ABCC8: variants seen among roughly 807,000 people sequenced by gnomAD.
ABCC8 encodes ATP binding cassette subfamily C member 8.
A neutral mutation model predicts 188.0 loss-of-function variants in ABCC8; 137 were observed. The observed-to-expected ratio is 0.73, with a 90% CI of 0.63 to 0.84. ABCC8 has a LOEUF of 0.84. ABCC8 is among the 40% of genes least tolerant of loss of function. The pLI, the probability that ABCC8 is intolerant of heterozygous loss-of-function variation, is 0.00. For synonymous variants in ABCC8, 797 were observed against 846.5 expected (o/e 0.94, Z 1.01); for missense variants, 1,750 against 2,072.7 (o/e 0.84, Z 3.02).
Position 17,446,224 on chromosome 11 carries a change from C to T in ABCC8, c.1332+2292G>A, listed in dbSNP as rs138102722. On this transcript the variant is annotated intron_variant, in intron 8 of 38. Coordinates refer to ENST00000389817, the MANE Select transcript of ABCC8 (RefSeq NM_000352.6). ...CAGGTGAACCATCAGCCTCAGCCTC[C>T]CAAAGTGCTGGGATTACAGGAGCGA... Among the ~76,000 whole-genome samples, 114 of 152,182 alleles carry T rather than the reference C, an allele frequency of 7.5e-4. 1 individual carries two copies. The East Asian group carries it at 0.019, about 25-fold the overall frequency.
In ABCC8 at chr11:17,442,970, A is replaced by G; in HGVS notation, c.1468-88T>C. On this transcript the variant is annotated intron_variant, in intron 9 of 38. Transcript: ENST00000389817. The stretch of plus-strand genomic sequence containing the variant: ...CCTGAGTGTCAATACTGTCACTGCC[A>G]TGCCCGCCTCCTGTCCTCACCGGGA... The G allele has an allele frequency of 1.1e-5, 17 of 1,597,984 alleles. No homozygotes were observed. The South Asian group carries it at 1.8e-4, about 17-fold the overall frequency.
chr11:17,408,951 T>C (rs970514188), intron 22 of ABCC8, among the ~76,000 whole-genome samples: 6 of 113,920 alleles, frequency 5.3e-5, no homozygotes, highest in Non-Finnish European at 1.0e-4. Flanking sequence ...AATCAATAAA[T>C]CTTTTTTTTT....
At chr11:17,435,692 C>A in intron 10 of ABCC8, 1 of 1,384,822 alleles carries the variant, frequency 7.2e-7, no homozygotes, top group Non-Finnish European at 1.0e-6. Flanking sequence ...GCCAGCCCTA[C>A]AGAGGACAGT....
At chr11:17,430,986 A>G (rs765266658) in intron 11 of ABCC8, 27 bp from the exon 12 acceptor site, 16 of 1,610,782 alleles carry the variant, frequency 9.9e-6, no homozygotes, top group Non-Finnish European at 1.2e-5. Context: ...AAGTGAGGCC[A>G]GGGTGGCCCA....
Position 17,394,249 on chromosome 11 carries a change from A to T in ABCC8, c.4545+17T>A. On this transcript the variant is annotated intron_variant, in intron 37 of 38. Coordinates refer to ENST00000389817, the MANE Select transcript of ABCC8 (RefSeq NM_000352.6). ...CCTTTCCAAGACCATGGTCCCATGG[A>T]GGGGCCCAGGACCAACCGTGGCCAT... 6.2e-7 allele frequency: 1 copy of T among 1,612,360 alleles called. No homozygotes were observed. The highest frequency in any genetic ancestry group is 8.5e-7 in the Non-Finnish European group (1 of 1,178,914).
Position 17,410,497 on chromosome 11 carries a change from C to T in ABCC8, c.2694+19G>A. 2.5e-6 allele frequency: 4 copies of T among 1,613,926 alleles called. No individual in the cohort carries two copies. Among genetic ancestry groups the T allele is most frequent in the Non-Finnish European group, 2.5e-6 (3 of 1,179,836 alleles). On this transcript the variant is annotated intron_variant, in intron 22 of 38. Coordinates refer to ENST00000389817, the MANE Select transcript of ABCC8 (RefSeq NM_000352.6). ...CCCAGCCCTGCCCCCTATAGCCTGA[C>T]CCCCTTGTTCCCCCTCACCCAGTCT... is the stretch of plus-strand genomic sequence containing the variant.
chr11:17,413,572 C>T, intron 19 of ABCC8, 94 bp from the exon 20 acceptor site: 1 of 1,610,800 alleles, frequency 6.2e-7, no homozygotes, highest in Non-Finnish European at 8.5e-7. Context: ...GGTAGCTATG[C>T]CCAGGGTGAG....
chr11:17,461,029 G>A (rs1157317832), intron 5 of ABCC8: 9 of 378,350 alleles, frequency 2.4e-5, no homozygotes, highest in East Asian at 6.4e-5. Context: ...GCCCTGGTGC[G>A]AGGGCAGAGG....
intron 17 of ABCC8, among the ~76,000 whole-genome samples, chr11:17,416,010 C>T (rs972793787): frequency 6.6e-5 from 10 of 152,216 alleles, no homozygotes; most frequent in Admixed American, 3.9e-4. Context: ...TTGTCACATG[C>T]CATGAGGTCT....
At chr11:17,436,472 G>A (rs1042237705) in intron 10 of ABCC8, among the ~76,000 whole-genome samples, 11 of 152,104 alleles carry the variant, frequency 7.2e-5, no homozygotes, top group South Asian at 6.2e-4. Flanking sequence ...TGGAGGGGTG[G>A]GGAATATAGC....
chr11:17,422,614 T>G (rs1483924825), intron 16 of ABCC8, among the ~76,000 whole-genome samples: 1 of 152,166 alleles, frequency 6.6e-6, no homozygotes, highest in Non-Finnish European at 1.5e-5. Flanking sequence ...GAGTGAATAT[T>G]AATGCACACC....
At chr11:17,469,079 C>CT (rs1564989355) in intron 3 of ABCC8, among the ~76,000 whole-genome samples, 4 of 134,302 alleles carry the variant, frequency 3.0e-5, no homozygotes, top group African/African-American at 8.7e-5. Flanking sequence ...CCTTCCCTCC[C>CT]TCCCTCCTTC....
At chr11:17,428,771 G>T in intron 12 of ABCC8, 101 bp from the exon 13 acceptor site, 1 of 1,556,756 alleles carries the variant, frequency 6.4e-7, no homozygotes, top group East Asian at 2.3e-5. Flanking sequence ...TCTCAGGCCT[G>T]AAGTATAGTC....
intron 4 of ABCC8, among the ~76,000 whole-genome samples, chr11:17,463,015 G>T (rs967751699): frequency 3.3e-5 from 5 of 152,172 alleles, no homozygotes; most frequent in Non-Finnish European, 7.3e-5. Flanking sequence ...GGAGTCTGGG[G>T]TGAGGAAGAG....
chr11:17,457,563 G>C (rs190228414), intron 6 of ABCC8, among the ~76,000 whole-genome samples: 1 of 152,318 alleles, frequency 6.6e-6, no homozygotes, highest in Non-Finnish European at 1.5e-5. Flanking sequence ...AGCCAGATCA[G>C]TGGCATCCAT....
intron 7 of ABCC8, 165 bp from the exon 8 acceptor site, chr11:17,448,836 T>A: frequency 2.0e-6 from 1 of 495,724 alleles, no homozygotes; most frequent in Non-Finnish European, 2.6e-6. Context: ...CTTACTAGTC[T>A]ACTCCAGCAC....
In ABCC8 at chr11:17,448,581, T is replaced by C; in HGVS notation, c.1267A>G (p.Ile423Val). The change falls in exon 8 of 39, where the codon ATC becomes GTC. Residue 423 changes from isoleucine (I) to valine (V), a missense_variant. Transcript: ENST00000389817. ...TAGQICNLVA[I>V]DTNQLMWFFF... Reference sequence around the variant, plus strand: ...AACCACATGAGCTGATTGGTGTCGATGGCAACCAGATTACAGATCTGTCCA... The same window carrying C: ...AACCACATGAGCTGATTGGTGTCGACGGCAACCAGATTACAGATCTGTCCA... 6.2e-7 allele frequency: 1 copy of C among 1,614,210 alleles called. No homozygotes were observed. Among genetic ancestry groups the C allele is most frequent in the Non-Finnish European group, 8.5e-7 (1 of 1,180,040 alleles).
At chr11:17,397,479 A>G in intron 31 of ABCC8, 166 bp from the exon 32 acceptor site, 2 of 1,461,214 alleles carry the variant, frequency 1.4e-6, no homozygotes, top group Non-Finnish European at 1.8e-6. Flanking sequence ...AGGGAGGGTC[A>G]GTCATGTGGC....
chr11:17,405,088 C>T (rs537758661), intron 27 of ABCC8, among the ~76,000 whole-genome samples: 15 of 152,304 alleles, frequency 9.8e-5, no homozygotes, highest in African/African-American at 2.6e-4. Flanking sequence ...ATTATAGGCA[C>T]GTATCTCATC....
Sources: gnomAD v4.1 joint callset for allele counts (sites outside exome capture counted in the v4.1 genomes callset) on GRCh38, gnomAD v4.1.1 for gene constraint, MANE v1.5 for transcripts, NCBI Gene and HGNC (gene_info 2026-07-23, HGNC 2026-07-21) for gene names.